Variants in TRDN observed in about 807,000 individuals in gnomAD.
TRDN encodes triadin in skeletal muscle.
Under a neutral mutation model 149.7 loss-of-function variants are expected in TRDN, and 161 were observed. That is an observed-to-expected ratio of 1.08 (90% CI 0.95 to 1.23). The LOEUF (loss-of-function observed/expected upper bound fraction) is 1.23, where lower values mean the gene tolerates loss of function less well. Ranked by LOEUF, TRDN falls within the 50% of genes most tolerant of loss-of-function variation. The pLI, the probability that TRDN is intolerant of heterozygous loss-of-function variation, is 0.00. For missense variants in TRDN, 896 were observed against 823.5 expected (o/e 1.09, Z -1.08); for synonymous variants, 294 against 250.5 (o/e 1.17, Z -1.64).
chr6:123,510,642 C>CTTTTTTTTTTTTTTTT (rs145396385), intron 7 of TRDN, among the ~76,000 whole-genome samples: 2 of 138,482 alleles, frequency 1.4e-5, no homozygotes, highest in Non-Finnish European at 3.1e-5. Flanking sequence ...TGCATGACCA[C>CTTTTTTTTTTTTTTTT]TTTTTTTTTT....
intron 38 of TRDN, among the ~76,000 whole-genome samples, chr6:123,239,367 T>G (rs1775905171): frequency 6.6e-6 from 1 of 152,050 alleles, no homozygotes; most frequent in African/African-American, 2.4e-5. Flanking sequence ...ATACAAAAAG[T>G]CAAAGAAGAT....
At chr6:123,632,161 G>C (rs1397508112) in intron 1 of TRDN, among the ~76,000 whole-genome samples, 5 of 151,922 alleles carry the variant, frequency 3.3e-5, no homozygotes, top group Non-Finnish European at 5.9e-5. Flanking sequence ...TTGTTCCCAG[G>C]AACTTATTTG....
intron 13 of TRDN, 26 bp from the exon 14 acceptor site, chr6:123,388,577 G>A (rs1169605667): frequency 6.4e-7 from 1 of 1,574,018 alleles, no homozygotes; most frequent in Non-Finnish European, 8.6e-7. Flanking sequence ...TAGCGTTAAG[G>A]CATATGAAAT....
intron 19 of TRDN, among the ~76,000 whole-genome samples, chr6:123,371,222 G>T (rs900033929): frequency 1.3e-5 from 2 of 152,010 alleles, no homozygotes; most frequent in African/African-American, 4.8e-5. Flanking sequence ...ATTTGGAACT[G>T]ATATTTTAGA....
At chr6:123,502,797 T>A (rs1413712977) in intron 8 of TRDN, 1 of 985,174 alleles carries the variant, frequency 1.0e-6, no homozygotes, top group Non-Finnish European at 1.2e-6. Flanking sequence ...AAATTTGGTT[T>A]TGCAATGTCT....
chr6:123,322,937 C>T (rs765174442), intron 23 of TRDN, among the ~76,000 whole-genome samples: 2 of 152,118 alleles, frequency 1.3e-5, no homozygotes. Context: ...CCGCGCTTGG[C>T]CTGTCCCACC....
At chr6:123,272,736 ACT>A (rs1013946225) in intron 29 of TRDN, among the ~76,000 whole-genome samples, 1 of 151,902 alleles carries the variant, frequency 6.6e-6, no homozygotes, top group African/African-American at 2.4e-5. Context: ...TGCAAAGCTA[ACT>A]CTCTGGTGGG....
At chr6:123,251,939 G>T (rs1039012575) in intron 38 of TRDN, among the ~76,000 whole-genome samples, 1 of 151,756 alleles carries the variant, frequency 6.6e-6, no homozygotes, top group Non-Finnish European at 1.5e-5. Context: ...TACAATTTAG[G>T]TTTACAATTA....
Position 123,594,930 on chromosome 6 carries a change from A to G in TRDN, c.23-23798T>C, listed in dbSNP as rs547105778. ...GAAACGAAAAGCAAACAAGCAAGTG[A>G]AAAAAAAAAATTCTAGAACATGGCT... On this transcript the variant is annotated intron_variant, in intron 1 of 40. Transcript: ENST00000334268. Among the ~76,000 whole-genome samples, 3 of 83,406 alleles carry G rather than the reference A, an allele frequency of 3.6e-5. No individual in the cohort carries two copies. In the East Asian group the frequency reaches 2.2e-3, roughly 61 times the overall value. The allele number at this position is 83,406 out of a possible 152,430, so 54.7% of individuals were successfully genotyped here. A position where few individuals can be genotyped will look rare whatever the true frequency, so the allele number is the denominator to read the frequency against.
At position 123,279,118 on chromosome 6, in the gene TRDN, C is replaced by A; in HGVS notation, c.1511-36G>T. 1.9e-6 allele frequency: 3 copies of A among 1,543,150 alleles called. No homozygotes were observed. In the South Asian group the frequency reaches 3.5e-5, roughly 18 times the overall value. On this transcript the variant is annotated intron_variant, in intron 24 of 40. Coordinates refer to ENST00000334268, the MANE Select transcript of TRDN (RefSeq NM_006073.4). The stretch of plus-strand genomic sequence containing the variant: ...GTAAAAAAATTATTAAAGGCTGAGT[C>A]ATACAATTCTTATTAAATTAACATT...
At chr6:123,528,872 A>C in intron 5 of TRDN, 1 of 1,028,780 alleles carries the variant, frequency 9.7e-7, no homozygotes, top group Non-Finnish European at 1.2e-6. Flanking sequence ...CTCTACTTTC[A>C]CTTTCTTAAG....
intron 38 of TRDN, among the ~76,000 whole-genome samples, chr6:123,250,624 T>A (rs982099348): frequency 2.0e-5 from 3 of 152,212 alleles, no homozygotes; most frequent in Admixed American, 2.0e-4. Context: ...TTCCATGATG[T>A]CTCTGATCAT....
At chr6:123,426,481 C>T (rs1583005293) in intron 12 of TRDN, among the ~76,000 whole-genome samples, 1 of 152,166 alleles carries the variant, frequency 6.6e-6, no homozygotes, top group East Asian at 1.9e-4. Context: ...GTACAAATTC[C>T]TGGGAATGTT....
chr6:123,347,481 T>G (rs895908921), intron 21 of TRDN, among the ~76,000 whole-genome samples: 1 of 152,112 alleles, frequency 6.6e-6, no homozygotes, highest in Non-Finnish European at 1.5e-5. Flanking sequence ...GTCATTTAAT[T>G]TGGTACCCAA....
In TRDN at chr6:123,345,036, T is replaced by G. The variant is rs541670747; in HGVS notation, c.1370-7367A>C. Among the ~76,000 whole-genome samples, 134 of 152,180 alleles carry G rather than the reference T, an allele frequency of 8.8e-4. 1 individual carries two copies. Among genetic ancestry groups the G allele is most frequent in the Non-Finnish European group, 1.5e-3 (101 of 67,970 alleles). ...ATCTTTTCATATGCTTATTCCCATC[T>G]TTATATCTTATAAGCCCAACTTATA... On this transcript the variant is annotated intron_variant, in intron 21 of 40. Transcript: ENST00000334268.
chr6:123,442,556 A>G (rs1202375125), intron 10 of TRDN, among the ~76,000 whole-genome samples: 3 of 89,174 alleles, frequency 3.4e-5, no homozygotes, highest in East Asian at 3.8e-4. Context: ...AAAAAAAAAA[A>G]AAAAAGAAAA....
chr6:123,382,174 T>C, intron 14 of TRDN, 27 bp from the exon 15 acceptor site: 2 of 1,450,306 alleles, frequency 1.4e-6, no homozygotes, highest in Non-Finnish European at 1.8e-6. Context: ...AAATTATTAA[T>C]AAAACAGATA....
At chr6:123,493,711 G>A (rs1036089381) in intron 9 of TRDN, among the ~76,000 whole-genome samples, 3 of 152,180 alleles carry the variant, frequency 2.0e-5, no homozygotes, top group Non-Finnish European at 4.4e-5. Flanking sequence ...AAGCGCAAAT[G>A]TTTTATAAGT....
At chr6:123,344,184 A>G (rs1345885575) in intron 21 of TRDN, among the ~76,000 whole-genome samples, 1 of 151,860 alleles carries the variant, frequency 6.6e-6, no homozygotes, top group East Asian at 1.9e-4. Context: ...AAACTAATAC[A>G]CCCTCTTCAA....
Sources: allele counts gnomAD v4.1 joint callset (sites outside exome capture counted in the v4.1 genomes callset), GRCh38; gene constraint gnomAD v4.1.1; transcripts MANE v1.5; gene names NCBI Gene and HGNC (gene_info 2026-07-23, HGNC 2026-07-21).